The following WDR11 variants were observed in gnomAD, a reference collection of about 807,000 sequenced individuals.
WDR11 encodes WD repeat-containing protein 11.
WDR11 carries 83 observed loss-of-function variants against 151.2 expected under a neutral mutation model. That is an observed-to-expected ratio of 0.55 (90% CI 0.46 to 0.66). The LOEUF is 0.66. Ranked by LOEUF, WDR11 falls within the 30% of genes least tolerant of loss-of-function variation. The pLI, the probability that WDR11 is intolerant of heterozygous loss-of-function variation, is 0.00. For synonymous variants in WDR11, 484 were observed against 533.1 expected (o/e 0.91, Z 1.27); for missense variants, 1,301 against 1,480.9 (o/e 0.88, Z 1.99).
In WDR11 at chr10:120,852,627, G is replaced by A; in HGVS notation, c.190G>A (p.Val64Ile). Residue 64 changes from valine (V) to isoleucine (I), a missense_variant, in exon 2 of 29, where the codon GTT (valine) becomes ATT (isoleucine). By Grantham distance (29) the Val-to-Ile change is conservative. Transcript: ENST00000263461. ...AGTTTTAGAAAAGCATAAAGCTGAT[G>A]TTGTAAAGGTAAGTAAAATCCCACT... Reference protein sequence around the residue: ...LQVLEKHKADVVKVKWARENY... With the variant: ...LQVLEKHKADIVKVKWARENY... 1 of 1,613,690 alleles carries A rather than the reference G, an allele frequency of 6.2e-7. No individual in the cohort carries two copies. Among genetic ancestry groups the A allele is most frequent in the Non-Finnish European group, 8.5e-7 (1 of 1,179,728 alleles).
chr10:120,868,387 G>T (rs904633954), intron 9 of WDR11, among the ~76,000 whole-genome samples: 3 of 151,966 alleles, frequency 2.0e-5, no homozygotes, highest in Non-Finnish European at 4.4e-5. Flanking sequence ...CTGGGAGGCG[G>T]TGGAGGTTGC....
intron 14 of WDR11, 54 bp downstream of exon 14, chr10:120,883,942 G>T: frequency 1.4e-6 from 2 of 1,454,962 alleles, no homozygotes; most frequent in South Asian, 2.3e-5. Context: ...TGTATGTGGT[G>T]AATGTTTTGC....
At chr10:120,902,479 T>C (rs1428013133) in intron 22 of WDR11, among the ~76,000 whole-genome samples, 157 bp downstream of exon 22, 1 of 152,170 alleles carries the variant, frequency 6.6e-6, no homozygotes, top group Non-Finnish European at 1.5e-5. Flanking sequence ...TAATAACAAA[T>C]AGGGAAAAAT....
intron 5 of WDR11, 129 bp from the exon 6 acceptor site, chr10:120,864,918 G>A: frequency 1.6e-5 from 17 of 1,056,704 alleles, no homozygotes; most frequent in Non-Finnish European, 2.4e-5. Context: ...GCCAACCCAT[G>A]TTGGTCACTT....
intron 11 of WDR11, among the ~76,000 whole-genome samples, chr10:120,876,762 C>T (rs540649021): frequency 2.0e-5 from 3 of 152,306 alleles, no homozygotes; most frequent in Non-Finnish European, 2.9e-5. Context: ...ATACTTCACA[C>T]GTATCATTTC....
rs1239017390 is a variant in WDR11 at position 120,885,858 on chromosome 10, A to G, written c.1893A>G (p.Gln631=). The G allele has an allele frequency of 1.2e-6, 2 of 1,613,856 alleles. No homozygotes were observed. Among genetic ancestry groups the G allele is most frequent in the Non-Finnish European group, 1.7e-6 (2 of 1,179,810 alleles). The change falls in exon 15 of 29, where the codon CAA becomes CAG. Residue 631 remains glutamine, a synonymous_variant. Transcript: ENST00000263461. ...SHNLKSLRKK[Q]LATREAMARQ... ...ACTTGAAGAGCCTGAGAAAGAAGCA[A>G]CTTGCAACTCGAGAGGCCATGGCCC...
chr10:120,881,661 T>C (rs760765150), intron 13 of WDR11, among the ~76,000 whole-genome samples: 14 of 152,306 alleles, frequency 9.2e-5, no homozygotes, highest in East Asian at 1.9e-4. Context: ...ATTTCAATTA[T>C]TTATTATTTG....
At chr10:120,880,983 A>G in intron 13 of WDR11, 82 bp downstream of exon 13, 6 of 1,191,276 alleles carry the variant, frequency 5.0e-6, no homozygotes, top group Non-Finnish European at 7.3e-6. Flanking sequence ...GAAAATGGGA[A>G]TGTGCTGGAA....
intron 17 of WDR11, 50 bp from the exon 18 acceptor site, chr10:120,889,845 A>G: frequency 8.0e-7 from 1 of 1,255,208 alleles, no homozygotes; most frequent in Non-Finnish European, 1.2e-6. Flanking sequence ...GCTTCTGGTG[A>G]CCAGATCTCA....
chr10:120,878,557 T>G, intron 12 of WDR11, 98 bp downstream of exon 12: 2 of 969,766 alleles, frequency 2.1e-6, no homozygotes. Context: ...TTGGAATTTT[T>G]TTTTATATTT....
intron 9 of WDR11, among the ~76,000 whole-genome samples, chr10:120,870,753 A>G (rs1846507505): frequency 6.6e-6 from 1 of 152,240 alleles, no homozygotes; most frequent in African/African-American, 2.4e-5. Flanking sequence ...TACAGAGTAC[A>G]TCAGATTGAA....
intron 9 of WDR11, among the ~76,000 whole-genome samples, chr10:120,867,713 A>G (rs1846364665): frequency 6.6e-6 from 1 of 152,116 alleles, no homozygotes; most frequent in Non-Finnish European, 1.5e-5. Context: ...CAAGGGTGGT[A>G]CAGTGTTTGA....
chr10:120,902,434 C>T, intron 22 of WDR11, 112 bp downstream of exon 22: 2 of 868,326 alleles, frequency 2.3e-6, no homozygotes, highest in Non-Finnish European at 3.7e-6. Context: ...ATCAGTTCAT[C>T]CTTTAGATTT....
intron 13 of WDR11, among the ~76,000 whole-genome samples, chr10:120,881,646 T>C (rs1018117864): frequency 6.6e-6 from 1 of 152,176 alleles, no homozygotes; most frequent in Admixed American, 6.5e-5. Flanking sequence ...AAATGACATT[T>C]TTAAATTTCA....
At chr10:120,906,235 G>A in intron 27 of WDR11, 1 of 1,437,618 alleles carries the variant, frequency 7.0e-7, no homozygotes, top group South Asian at 1.4e-5. Flanking sequence ...CTACTAATAT[G>A]CTGATCAGAC....
In WDR11 at chr10:120,886,615, G is replaced by T; in HGVS notation, c.1974-74G>T. On this transcript the variant is annotated intron_variant, in intron 15 of 28. Transcript: ENST00000263461. ...TCCTCTTAATGCGTCTGTACTTTGGGCAAGTTAATTAATTATGAGTATCAC... is the reference window on the plus strand; with the variant it reads ...TCCTCTTAATGCGTCTGTACTTTGGTCAAGTTAATTAATTATGAGTATCAC... The T allele has an allele frequency of 2.5e-6, 4 of 1,571,670 alleles. No individual in the cohort carries two copies. The Admixed American group carries it at 5.3e-5, about 21-fold the overall frequency.
intron 1 of WDR11, chr10:120,852,315 T>C (rs1845807311): frequency 1.9e-6 from 1 of 535,642 alleles, no homozygotes; most frequent in Admixed American, 3.2e-5. Flanking sequence ...ACTTTTTTTA[T>C]CCGAATGAAA....
At position 120,904,744 on chromosome 10, in the gene WDR11, G is replaced by A. The variant is rs772647806; in HGVS notation, c.3126G>A (p.Ser1042=). 142 of 1,613,994 alleles carry A rather than the reference G, an allele frequency of 8.8e-5. No homozygotes were observed. The highest frequency in any genetic ancestry group is 1.1e-4 in the Non-Finnish European group (129 of 1,180,038). ...CCTGTTTAGTCACTACTGTCACCTC[G>A]TCAGGCCCCTCTCAGAGCACCATTA... ...LKACLVTTVT[S]SGPSQSTIKL... is the part of the protein sequence containing the mutation. The change falls in exon 25 of 29, where the codon TCG becomes TCA. Residue 1042 remains serine (S), a synonymous_variant. Transcript: ENST00000263461.
intron 7 of WDR11, 76 bp from the exon 8 acceptor site, chr10:120,866,493 T>G: frequency 6.4e-7 from 1 of 1,565,382 alleles, no homozygotes; most frequent in Non-Finnish European, 8.8e-7. Flanking sequence ...TTAGTTGAGG[T>G]TTTATTTAAA....
Sources: gnomAD v4.1 joint callset for allele counts (sites outside exome capture counted in the v4.1 genomes callset) on GRCh38, gnomAD v4.1.1 for gene constraint, MANE v1.5 for transcripts, NCBI Gene and HGNC (gene_info 2026-07-23, HGNC 2026-07-21) for gene names.